Variants in GATAD2A observed in about 807,000 individuals in gnomAD.
GATAD2A encodes transcriptional repressor p66-alpha.
Under a neutral mutation model 68.5 loss-of-function variants are expected in GATAD2A, and 12 were observed. The ratio of observed to expected loss-of-function variants is 0.18; its 90% CI spans 0.11 to 0.28. The LOEUF (loss-of-function observed/expected upper bound fraction) is 0.28, where lower values mean the gene tolerates loss of function less well. Among genes scored for constraint, GATAD2A ranks in the 10% least tolerant of loss-of-function variants. GATAD2A has a pLI of 1.00. For synonymous variants in GATAD2A, 410 were observed against 375.3 expected, an observed-to-expected ratio of 1.09 and a Z score of -1.07; for missense variants, 755 against 868.5, an observed-to-expected ratio of 0.87 and a Z score of 1.64.
chr19:19,493,970 G>A (rs1022360293), intron 4 of GATAD2A, among the ~76,000 whole-genome samples: 11 of 152,116 alleles, frequency 7.2e-5, no homozygotes, highest in African/African-American at 2.4e-4. Flanking sequence ...TGCCTCAGCA[G>A]TGCTGCCACC....
chr19:19,496,151 A>C lies in GATAD2A; in HGVS notation c.856A>C (p.Ile286Leu). 2 of 1,613,784 alleles carry C rather than the reference A, an allele frequency of 1.2e-6. No individual in the cohort carries two copies. The highest frequency in any genetic ancestry group is 2.2e-5 in the East Asian group (1 of 44,870). Reference sequence around the variant, plus strand: ...CAGTGTGCAGATTCAGGGACAGAGGATCATCCAGCAGGGCCTCATCCGCGT... The same window carrying C: ...CAGTGTGCAGATTCAGGGACAGAGGCTCATCCAGCAGGGCCTCATCCGCGT... ...VPSVQIQGQR[I>L]IQQGLIRVAN... is the part of the protein sequence containing the mutation. Residue 286 changes from isoleucine (I) to leucine (L), a missense_variant, in exon 7 of 12, where the codon ATC (isoleucine) becomes CTC (leucine). Coordinates refer to ENST00000683918, the MANE Select transcript of GATAD2A (RefSeq NM_001384528.1).
chr19:19,504,598 C>T (rs1409896252), intron 11 of GATAD2A, among the ~76,000 whole-genome samples: 2 of 150,370 alleles, frequency 1.3e-5, no homozygotes, highest in African/African-American at 2.4e-5. Flanking sequence ...GACCAGTAAA[C>T]AACAACAACA....
upstream of GATAD2A, among the ~76,000 whole-genome samples, chr19:19,404,753 T>C (rs118013132): frequency 0.016 from 2,437 of 152,284 alleles, 33 homozygotes; most frequent in Middle Eastern, 0.024. Context: ...TTTGTTTCAG[T>C]TGTACATATA....
intron 1 of GATAD2A, among the ~76,000 whole-genome samples, chr19:19,435,505 G>A (rs536438080): frequency 3.2e-4 from 48 of 152,174 alleles, no homozygotes; most frequent in Non-Finnish European, 5.9e-4. Flanking sequence ...GACTACAGGC[G>A]TGAGCCACTG....
At chr19:19,431,399 A>G (rs957663647) in intron 1 of GATAD2A, among the ~76,000 whole-genome samples, 4 of 151,274 alleles carry the variant, frequency 2.6e-5, no homozygotes, top group African/African-American at 9.7e-5. Context: ...TCCATTCAAT[A>G]AATATTTATT....
At chr19:19,441,925 G>A (rs1049808108) in intron 1 of GATAD2A, among the ~76,000 whole-genome samples, 7 of 151,880 alleles carry the variant, frequency 4.6e-5, no homozygotes, top group African/African-American at 7.2e-5. Context: ...GCAATGGCAC[G>A]ATCTCGGCTC....
intron 1 of GATAD2A, among the ~76,000 whole-genome samples, chr19:19,412,218 C>T (rs963082469): frequency 3.3e-5 from 5 of 151,340 alleles, no homozygotes; most frequent in African/African-American, 1.2e-4. Context: ...TGCAGTGACG[C>T]GATCTCAGCT....
chr19:19,404,247 G>T (rs895993312), upstream of GATAD2A, among the ~76,000 whole-genome samples: 3 of 150,324 alleles, frequency 2.0e-5, no homozygotes, highest in African/African-American at 7.4e-5. Context: ...GGGACATACA[G>T]CAGAAAAACA....
chr19:19,402,988 G>T (rs768456061), upstream of GATAD2A, among the ~76,000 whole-genome samples: 27 of 151,902 alleles, frequency 1.8e-4, no homozygotes, highest in Non-Finnish European at 3.7e-4. Flanking sequence ...GACCACGATG[G>T]TCTGGAACTC....
chr19:19,420,133 C>T (rs549589224), intron 1 of GATAD2A, among the ~76,000 whole-genome samples: 1 of 148,600 alleles, frequency 6.7e-6, no homozygotes, highest in African/African-American at 2.5e-5. Flanking sequence ...GTCTCAGCCC[C>T]CTGAGTAGCT....
At chr19:19,457,656 G>T (rs1052667488) in intron 1 of GATAD2A, among the ~76,000 whole-genome samples, 1 of 151,904 alleles carries the variant, frequency 6.6e-6, no homozygotes, top group Non-Finnish European at 1.5e-5. Context: ...CAGGAGAATG[G>T]TGTGAACCCG....
chr19:19,459,315 C>G (rs1568305355), intron 1 of GATAD2A, among the ~76,000 whole-genome samples: 1 of 151,654 alleles, frequency 6.6e-6, no homozygotes, highest in Non-Finnish European at 1.5e-5. Context: ...TGGTCCAGTT[C>G]CTTTCAGTTT....
chr19:19,386,406 C>T (rs895594457), intron 1 of GATAD2A, among the ~76,000 whole-genome samples: 6 of 151,918 alleles, frequency 3.9e-5, no homozygotes, highest in African/African-American at 9.7e-5. Flanking sequence ...GAGACCCTTG[C>T]CTCTCTAGGG....
chr19:19,430,011 G>T (rs2053557862), intron 1 of GATAD2A, among the ~76,000 whole-genome samples: 1 of 152,106 alleles, frequency 6.6e-6, no homozygotes, highest in Non-Finnish European at 1.5e-5. Flanking sequence ...GGCTACCTCT[G>T]TCTTTTTACT....
chr19:19,484,891 A>G (rs1187085278), intron 2 of GATAD2A, among the ~76,000 whole-genome samples: 2 of 152,226 alleles, frequency 1.3e-5, no homozygotes, highest in African/African-American at 4.8e-5. Flanking sequence ...TGGATGAAGC[A>G]TGAGGAATTG....
chr19:19,474,226 C>G (rs773780209), intron 2 of GATAD2A: 14 of 923,650 alleles, frequency 1.5e-5, no homozygotes, highest in Admixed American at 6.2e-5. Flanking sequence ...AGGGTGAGGT[C>G]GACACTGGAA....
intron 1 of GATAD2A, among the ~76,000 whole-genome samples, chr19:19,408,759 C>T (rs952609): frequency 0.076 from 11,595 of 152,076 alleles, 1,524 homozygotes; most frequent in African/African-American, 0.26. Flanking sequence ...GGCCAGGAGT[C>T]GTAATTAATC....
At chr19:19,434,477 A>G (rs900788643) in intron 1 of GATAD2A, among the ~76,000 whole-genome samples, 2 of 152,126 alleles carry the variant, frequency 1.3e-5, no homozygotes, top group Non-Finnish European at 2.9e-5. Context: ...TATTTTTGCA[A>G]GTTCTCCTGT....
At chr19:19,399,392 TGTTGCCCAGGCTGGTCTG>T (rs2049529124) in intron 1 of GATAD2A, among the ~76,000 whole-genome samples, 1 of 152,122 alleles carries the variant, frequency 6.6e-6, no homozygotes, top group African/African-American at 2.4e-5. Flanking sequence ...GGTTTTGCCA[TGTTGCCCAGGCTGGTCTG>T]GAACTCCTGG....
Sources: gnomAD v4.1 joint callset for allele counts (sites outside exome capture counted in the v4.1 genomes callset) on GRCh38, gnomAD v4.1.1 for gene constraint, MANE v1.5 for transcripts, NCBI Gene and HGNC (gene_info 2026-07-23, HGNC 2026-07-21) for gene names.